The following CSMD2 variants were observed in gnomAD, a reference collection of about 807,000 sequenced individuals.
The protein encoded by CSMD2 is CUB and sushi domain-containing protein 2.
In CSMD2, 130 loss-of-function variants were observed where a neutral mutation model predicts 398.5. The observed-to-expected ratio is 0.33, with a 90% CI of 0.28 to 0.38. The LOEUF (loss-of-function observed/expected upper bound fraction) is 0.38, where lower values mean the gene tolerates loss of function less well. Ranked by LOEUF, CSMD2 falls within the 10% of genes least tolerant of loss-of-function variation. The probability of loss-of-function intolerance (pLI) is 1.00; values close to 1 mark genes in which losing one functional copy is unlikely to be tolerated. For missense variants in CSMD2, 3,829 were observed against 4,764.9 expected (o/e 0.80, Z 5.78); for synonymous variants, 1,828 against 1,908.5 (o/e 0.96, Z 1.10).
intron 49 of CSMD2, among the ~76,000 whole-genome samples, chr1:33,574,497 A>C (rs1053914746): frequency 2.0e-5 from 3 of 152,190 alleles, no homozygotes; most frequent in Admixed American, 6.5e-5. Flanking sequence ...TCCATCCACT[A>C]TCCCCTCTGG....
chr1:33,844,425 C>T (rs1431378043), intron 6 of CSMD2, among the ~76,000 whole-genome samples: 2 of 152,218 alleles, frequency 1.3e-5, no homozygotes, highest in Non-Finnish European at 2.9e-5. Context: ...AAAGAATTAT[C>T]CAGCTCACAA....
At chr1:33,804,594 C>T (rs1471756704) in intron 10 of CSMD2, among the ~76,000 whole-genome samples, 3 of 151,722 alleles carry the variant, frequency 2.0e-5, no homozygotes, top group Admixed American at 2.0e-4. Context: ...CTTACGTGCA[C>T]ACTCCTCAAG....
chr1:33,660,148 G>T (rs185932968), intron 26 of CSMD2, among the ~76,000 whole-genome samples: 83 of 152,302 alleles, frequency 5.4e-4, no homozygotes, highest in Middle Eastern at 3.4e-3. Context: ...CAGACACATG[G>T]TTTTTGCTAT....
chr1:33,606,254 G>A (rs1640600734), intron 41 of CSMD2, among the ~76,000 whole-genome samples: 1 of 152,216 alleles, frequency 6.6e-6, no homozygotes, highest in Non-Finnish European at 1.5e-5. Flanking sequence ...CTCCACTCAG[G>A]AAATTGGCAG....
intron 3 of CSMD2, 123 bp downstream of exon 3, chr1:34,032,471 C>T (rs2148154297): frequency 1.7e-6 from 1 of 595,050 alleles, no homozygotes; most frequent in Non-Finnish European, 2.8e-6. Context: ...CCAGCCTTGT[C>T]AGGACAGGCG....
chr1:33,744,144 C>A (rs917879628), intron 13 of CSMD2, among the ~76,000 whole-genome samples: 5 of 152,186 alleles, frequency 3.3e-5, no homozygotes, highest in African/African-American at 1.2e-4. Context: ...GGCAAAGCCA[C>A]AACTCAAGCC....
intron 5 of CSMD2, among the ~76,000 whole-genome samples, chr1:33,856,196 A>G (rs1305439382): frequency 6.6e-6 from 1 of 152,182 alleles, no homozygotes; most frequent in African/African-American, 2.4e-5. Flanking sequence ...GTGGGATCTT[A>G]CCAATGCCTT....
intron 25 of CSMD2, among the ~76,000 whole-genome samples, chr1:33,674,235 T>C (rs1208860863): frequency 6.6e-6 from 1 of 152,000 alleles, no homozygotes; most frequent in Admixed American, 6.6e-5. Flanking sequence ...GAGACACACA[T>C]AAGCTCAAAA....
In CSMD2 at chr1:33,789,296, C is replaced by T. The variant is rs116790500; in HGVS notation, c.1551-584G>A. On this transcript the variant is annotated intron_variant, in intron 11 of 70. Transcript: ENST00000373381. ...GAGGGTTTAAGCATGGGTGTGGGGG[C>T]GGGGAGGGGGGGATTCAATTCACAA... Among the ~76,000 whole-genome samples the T allele has an allele frequency of 4.5e-3, 644 of 143,646 alleles. 6 individuals are homozygous for T. Among genetic ancestry groups the T allele is most frequent in the African/African-American group, 0.015 (610 of 39,860 alleles). The allele number at this position is 143,646 out of a possible 152,430, so 94.2% of individuals were successfully genotyped here.
At chr1:33,966,719 A>G (rs912612210) in intron 3 of CSMD2, among the ~76,000 whole-genome samples, 1 of 152,202 alleles carries the variant, frequency 6.6e-6, no homozygotes, top group East Asian at 1.9e-4. Flanking sequence ...CAAGTGTTTG[A>G]AAACAAGAAA....
At position 33,774,094 on chromosome 1, in the gene CSMD2, T is replaced by C. The variant is rs368589511; in HGVS notation, c.1664-1343A>G. ...GCTGAGAGCAGGCAGGACAAGGCATTCTATGGCTGGGATTGTGTGTGTGTG... is the reference window on the plus strand; with the variant it reads ...GCTGAGAGCAGGCAGGACAAGGCATCCTATGGCTGGGATTGTGTGTGTGTG... On this transcript the variant is annotated intron_variant, in intron 12 of 70. Coordinates refer to ENST00000373381, the MANE Select transcript of CSMD2 (RefSeq NM_001281956.2). 2.9e-4 allele frequency among the ~76,000 whole-genome samples: 43 copies of C among 149,314 alleles called. No homozygotes were observed. The South Asian group carries it at 5.0e-3, about 17-fold the overall frequency.
intron 3 of CSMD2, among the ~76,000 whole-genome samples, chr1:33,940,850 T>C (rs1291393665): frequency 6.6e-6 from 1 of 152,228 alleles, no homozygotes; most frequent in African/African-American, 2.4e-5. Context: ...TTGCCAGTCC[T>C]GTACTTTTTA....
At chr1:34,102,400 CT>C (rs961562538) in intron 1 of CSMD2, among the ~76,000 whole-genome samples, 1 of 152,196 alleles carries the variant, frequency 6.6e-6, no homozygotes, top group African/African-American at 2.4e-5. Context: ...CTTGTTCACA[CT>C]GAGAAAGACT....
intron 1 of CSMD2, among the ~76,000 whole-genome samples, chr1:34,161,401 CAG>C (rs1407368605): frequency 6.6e-6 from 1 of 152,064 alleles, no homozygotes; most frequent in Non-Finnish European, 1.5e-5. Flanking sequence ...TGAGCTCACC[CAG>C]AGAGTGGTGA....
intron 25 of CSMD2, among the ~76,000 whole-genome samples, chr1:33,673,983 C>A (rs1309044672): frequency 1.3e-5 from 2 of 152,220 alleles, no homozygotes; most frequent in African/African-American, 4.8e-5. Context: ...AAAGGAACAA[C>A]TGGTAACAGC....
chr1:33,725,493 C>T lies in CSMD2; in HGVS notation c.2551G>A (p.Gly851Arg). The part of the protein sequence containing the change: ...VNYDTLEVRD[G>R]RTYSAPLIGV... ...ATCAAGGGCGCTGAGTAAGTCCGCC[C>T]ATCGCGTACTTCCAGGGTGTCATAG... The change falls in exon 17 of 71, where the codon GGG becomes AGG. Residue 851 changes from glycine (G) to arginine (R), a missense_variant. Physicochemically the swap from Gly to Arg is moderately radical, Grantham distance 125. This residue lies in a region of CSMD2 where 2,001 missense variants were observed against 2,567.1 expected (regional missense o/e 0.78). Coordinates refer to ENST00000373381, the MANE Select transcript of CSMD2 (RefSeq NM_001281956.2). The T allele has an allele frequency of 6.2e-7, 1 of 1,614,196 alleles. No individual in the cohort carries two copies. The highest frequency in any genetic ancestry group is 8.5e-7 in the Non-Finnish European group (1 of 1,180,020).
At chr1:33,758,984 G>A (rs140468931) in intron 13 of CSMD2, among the ~76,000 whole-genome samples, 1 of 152,196 alleles carries the variant, frequency 6.6e-6, no homozygotes, top group African/African-American at 2.4e-5. Context: ...TGAGATATGA[G>A]TAATAAATAA....
chr1:33,933,459 G>T, intron 4 of CSMD2, among the ~76,000 whole-genome samples: 1 of 152,216 alleles, frequency 6.6e-6, no homozygotes, highest in South Asian at 2.1e-4. Flanking sequence ...GAACAAAATA[G>T]CATGGCATTT....
At chr1:34,099,388 A>G (rs997476214) in intron 1 of CSMD2, among the ~76,000 whole-genome samples, 7 of 152,222 alleles carry the variant, frequency 4.6e-5, no homozygotes, top group African/African-American at 1.7e-4. Flanking sequence ...GTTCTGAAGT[A>G]TAGATGCCAC....
Sources: gnomAD v4.1 joint callset for allele counts (sites outside exome capture counted in the v4.1 genomes callset) on GRCh38, gnomAD v4.1.1 for gene constraint, gnomAD v4.1.1 regional missense constraint, MANE v1.5 for transcripts, NCBI Gene and HGNC (gene_info 2026-07-23, HGNC 2026-07-21) for gene names.